PIBF1: variants seen among roughly 807,000 people sequenced by gnomAD.
PIBF1 encodes progesterone immunomodulatory binding factor 1.
PIBF1 carries 90 observed loss-of-function variants against 112.5 expected under a neutral mutation model. The observed-to-expected ratio is 0.80, with a 90% CI of 0.67 to 0.95. The LOEUF (loss-of-function observed/expected upper bound fraction) is 0.95, where lower values mean the gene tolerates loss of function less well. Among genes scored for constraint, PIBF1 ranks in the 40% least tolerant of loss-of-function variants. The pLI is 0.00. For synonymous variants in PIBF1, 301 were observed against 288.6 expected (o/e 1.04, Z -0.44); for missense variants, 915 against 852.3 (o/e 1.07, Z -0.92).
intron 8 of PIBF1, among the ~76,000 whole-genome samples, chr13:72,828,950 C>T (rs868618213): frequency 3.3e-5 from 5 of 152,136 alleles, no homozygotes; most frequent in African/African-American, 1.2e-4. Flanking sequence ...CTTGTTGTTT[C>T]CTGACTTTTT....
chr13:72,983,876 G>A lies in PIBF1; in HGVS notation c.2049+10201G>A, dbSNP rs527816651. Among the ~76,000 whole-genome samples the A allele has an allele frequency of 4.6e-5, 7 of 152,108 alleles. No individual in the cohort carries two copies. The South Asian group carries it at 8.3e-4, about 18-fold the overall frequency. ...GCATGCTAAAAAAAAACTACTGAGC[G>A]GGTAAATTAATTTTTCTTTAAATGA... On this transcript the variant is annotated intron_variant, in intron 16 of 17. Coordinates refer to ENST00000326291, the MANE Select transcript of PIBF1 (RefSeq NM_006346.4).
chr13:72,991,030 A>G (rs1231187751), intron 16 of PIBF1, among the ~76,000 whole-genome samples: 1 of 152,204 alleles, frequency 6.6e-6, no homozygotes, highest in African/African-American at 2.4e-5. Flanking sequence ...CATAGTTTGC[A>G]TTATGCTTGT....
At chr13:72,926,572 G>A (rs117877903) in intron 13 of PIBF1, among the ~76,000 whole-genome samples, 3,528 of 152,258 alleles carry the variant, frequency 0.023, 60 homozygotes, top group Non-Finnish European at 0.035. Flanking sequence ...GGGCCAGATC[G>A]TGTTATGTCT....
At chr13:72,974,678 C>T (rs2042976960) in intron 16 of PIBF1, among the ~76,000 whole-genome samples, 1 of 152,114 alleles carries the variant, frequency 6.6e-6, no homozygotes, top group Non-Finnish European at 1.5e-5. Context: ...GGATGTAACC[C>T]AGTTTGTTAA....
chr13:72,985,558 G>C (rs2043262034), intron 16 of PIBF1, among the ~76,000 whole-genome samples: 1 of 150,602 alleles, frequency 6.6e-6, no homozygotes, highest in Non-Finnish European at 1.5e-5. Flanking sequence ...AACAGAAAAA[G>C]AAAAAGAAAA....
At chr13:72,788,518 G>A (rs2034720726) in intron 2 of PIBF1, among the ~76,000 whole-genome samples, 1 of 152,180 alleles carries the variant, frequency 6.6e-6, no homozygotes, top group Non-Finnish European at 1.5e-5. Flanking sequence ...TTCAACATAT[G>A]CTTTTCACCT....
At chr13:72,958,977 A>C (rs1051634136) in intron 14 of PIBF1, among the ~76,000 whole-genome samples, 5 of 152,078 alleles carry the variant, frequency 3.3e-5, no homozygotes, top group African/African-American at 7.2e-5. Context: ...AGTAGGACCC[A>C]AAAATCACTT....
intron 16 of PIBF1, among the ~76,000 whole-genome samples, chr13:72,982,429 C>T (rs2043178809): frequency 6.6e-6 from 1 of 151,890 alleles, no homozygotes; most frequent in Admixed American, 6.6e-5. Context: ...GAGCTAGACC[C>T]TATCTAAAAA....
Position 72,840,512 on chromosome 13 carries a change from TCCC to T in PIBF1, c.1223+5147_1223+5149del, listed in dbSNP as rs71198163. 4.0e-5 allele frequency among the ~76,000 whole-genome samples: 6 copies of T among 150,248 alleles called. No homozygotes were observed. The South Asian group carries it at 1.3e-3, about 32-fold the overall frequency. On this transcript the variant is annotated intron_variant, in intron 9 of 17. Transcript: ENST00000326291. ...TATTTATATTTGGTCTCCTTATCTC[TCCC>T]CCAATAAACTTTTTTTTTTTTTTTT... is the stretch of plus-strand genomic sequence containing the variant.
intron 2 of PIBF1, among the ~76,000 whole-genome samples, chr13:72,791,345 C>T (rs749088088): frequency 4.1e-4 from 63 of 152,216 alleles, no homozygotes; most frequent in Admixed American, 1.5e-3. Flanking sequence ...TGAATCACCA[C>T]GCCCTGCCTG....
At position 72,782,160 on chromosome 13, in the gene PIBF1, G is replaced by A. The variant is rs1002978190; in HGVS notation, c.-237G>A. ...AGTTGACTTCCGGCGGCTTGTGGGA[G>A]TGCTGGTTCTGTCCTCCTTGCGGGT... On this transcript the variant is annotated 5_prime_UTR_variant, in exon 1 of 18. The change creates a new upstream start codon in the 5' untranslated region. Coordinates refer to ENST00000326291, the MANE Select transcript of PIBF1 (RefSeq NM_006346.4). 1.8e-4 allele frequency: 52 copies of A among 287,444 alleles called. No individual in the cohort carries two copies. The highest frequency in any genetic ancestry group is 1.5e-4 in the Admixed American group (3 of 19,754). The allele number at this position is 287,444 out of a possible 1,614,324, so 17.8% of individuals were successfully genotyped here. A position where few individuals can be genotyped will look rare whatever the true frequency, so the allele number is the denominator to read the frequency against.
intron 14 of PIBF1, among the ~76,000 whole-genome samples, chr13:72,953,205 T>C (rs932029348): frequency 1.3e-5 from 2 of 152,192 alleles, no homozygotes; most frequent in Non-Finnish European, 2.9e-5. Flanking sequence ...TCTCTTTTCA[T>C]CTGCAGGAAT....
Position 72,858,902 on chromosome 13 carries a change from C to A in PIBF1, c.1322+4747C>A, listed in dbSNP as rs189834116. Among the ~76,000 whole-genome samples, 124 of 152,210 alleles carry A rather than the reference C, an allele frequency of 8.1e-4. 2 individuals are homozygous for A. The highest frequency in any genetic ancestry group is 2.9e-3 in the East Asian group (15 of 5,178). ...AAGGGAAGAAGGTAGTAGATTCTTG[C>A]AACTATTAAGGAACATATTAGTAGA... On this transcript the variant is annotated intron_variant, in intron 10 of 17. Coordinates refer to ENST00000326291, the MANE Select transcript of PIBF1 (RefSeq NM_006346.4).
intron 5 of PIBF1, among the ~76,000 whole-genome samples, chr13:72,811,550 C>T (rs1224990450): frequency 6.7e-6 from 1 of 148,968 alleles, no homozygotes; most frequent in Non-Finnish European, 1.5e-5. Flanking sequence ...GAGCGGAGAT[C>T]GCGCCGTTGC....
intron 12 of PIBF1, among the ~76,000 whole-genome samples, chr13:72,916,256 G>A (rs1278598581): frequency 6.6e-6 from 1 of 152,030 alleles, no homozygotes; most frequent in Non-Finnish European, 1.5e-5. Flanking sequence ...GCCGGGCTTG[G>A]TGGTGGGCAC....
intron 8 of PIBF1, among the ~76,000 whole-genome samples, chr13:72,833,735 C>T (rs1280517856): frequency 6.6e-6 from 1 of 152,138 alleles, no homozygotes; most frequent in Non-Finnish European, 1.5e-5. Context: ...GTCAGGGACC[C>T]ACTTGAGGAG....
At chr13:72,830,543 T>G (rs1371920773) in intron 8 of PIBF1, among the ~76,000 whole-genome samples, 1 of 152,186 alleles carries the variant, frequency 6.6e-6, no homozygotes, top group Non-Finnish European at 1.5e-5. Context: ...TCGTGGTTTT[T>G]GTGATTGGTT....
At chr13:72,913,292 G>A (rs1319545884) in intron 12 of PIBF1, among the ~76,000 whole-genome samples, 1 of 152,052 alleles carries the variant, frequency 6.6e-6, no homozygotes, top group Non-Finnish European at 1.5e-5. Flanking sequence ...TATACATGGT[G>A]AAAGTTACAA....
chr13:72,925,542 C>CTTTTTTTTTTTTTTTTTT (rs59074858), intron 13 of PIBF1, among the ~76,000 whole-genome samples: 5 of 102,032 alleles, frequency 4.9e-5, no homozygotes, highest in African/African-American at 7.5e-5. Context: ...CTTTCTCTCT[C>CTTTTTTTTTTTTTTTTTT]TTTTTTTTTT....
Sources: gnomAD v4.1 joint callset for allele counts (sites outside exome capture counted in the v4.1 genomes callset) on GRCh38, gnomAD v4.1.1 for gene constraint, MANE v1.5 for transcripts, NCBI Gene and HGNC (gene_info 2026-07-23, HGNC 2026-07-21) for gene names.